The following SLC15A1 variants were observed in gnomAD, a reference collection of about 807,000 sequenced individuals.
SLC15A1 encodes the protein Caco-2 oligopeptide transporter.
In SLC15A1, 83 loss-of-function variants were observed where a neutral mutation model predicts 92.9. That is an observed-to-expected ratio of 0.89 (90% CI 0.75 to 1.07). SLC15A1 has a LOEUF of 1.07. SLC15A1 is among the 50% of genes least tolerant of loss of function. SLC15A1 has a pLI of 0.00. For missense variants in SLC15A1, 857 were observed against 880.1 expected (o/e 0.97, Z 0.33); for synonymous variants, 322 against 318.2 (o/e 1.01, Z -0.13).
chr13:98,697,764 A>G (rs1013328264), intron 18 of SLC15A1, among the ~76,000 whole-genome samples: 5 of 152,156 alleles, frequency 3.3e-5, no homozygotes, highest in African/African-American at 1.2e-4. Flanking sequence ...TTCTCTTGAC[A>G]AGATATTTGG....
chr13:98,711,529 A>G (rs2088162609), intron 11 of SLC15A1, among the ~76,000 whole-genome samples: 1 of 152,206 alleles, frequency 6.6e-6, no homozygotes, highest in African/African-American at 2.4e-5. Context: ...TTGGTAGGAA[A>G]ACAAACTCTT....
intron 18 of SLC15A1, among the ~76,000 whole-genome samples, chr13:98,693,872 A>G (rs1464819024): frequency 2.6e-5 from 4 of 152,218 alleles, no homozygotes; most frequent in African/African-American, 9.6e-5. Context: ...ACAGAGTCAC[A>G]CAATACTGGC....
At chr13:98,749,886 T>G (rs1460551374) in intron 1 of SLC15A1, among the ~76,000 whole-genome samples, 2 of 151,988 alleles carry the variant, frequency 1.3e-5, no homozygotes, top group African/African-American at 4.8e-5. Context: ...CATAATGAAG[T>G]TTTATAGAAA....
chr13:98,713,644 C>T (rs1226801224), intron 9 of SLC15A1, among the ~76,000 whole-genome samples: 1 of 152,118 alleles, frequency 6.6e-6, no homozygotes, highest in Non-Finnish European at 1.5e-5. Context: ...CACTAAGATT[C>T]CTTGTTAGTG....
At chr13:98,690,131 G>T (rs1340049956) in intron 18 of SLC15A1, among the ~76,000 whole-genome samples, 1 of 152,118 alleles carries the variant, frequency 6.6e-6, no homozygotes, top group Non-Finnish European at 1.5e-5. Flanking sequence ...GATTATCCAG[G>T]GTAGAGAACA....
intron 7 of SLC15A1, 112 bp downstream of exon 7, chr13:98,721,383 A>G (rs1303642278): frequency 1.3e-6 from 1 of 773,140 alleles, no homozygotes; most frequent in African/African-American, 1.7e-5. Context: ...CCCAGCATGT[A>G]GCTGACAGCT....
At chr13:98,714,117 G>A (rs753492183) in intron 9 of SLC15A1, among the ~76,000 whole-genome samples, 1 of 151,086 alleles carries the variant, frequency 6.6e-6, no homozygotes, top group African/African-American at 2.4e-5. Flanking sequence ...AGGATACTTC[G>A]CAATATAGTT....
chr13:98,744,516 C>T (rs1313157806), intron 1 of SLC15A1, among the ~76,000 whole-genome samples: 1 of 151,262 alleles, frequency 6.6e-6, no homozygotes, highest in Non-Finnish European at 1.5e-5. Flanking sequence ...TTTGGGAGGC[C>T]GAGGCGGGCA....
At chr13:98,740,760 G>A (rs2088437478) in intron 1 of SLC15A1, among the ~76,000 whole-genome samples, 1 of 152,166 alleles carries the variant, frequency 6.6e-6, no homozygotes, top group African/African-American at 2.4e-5. Context: ...CACTGTCACT[G>A]CCCTGAGGAC....
intron 5 of SLC15A1, among the ~76,000 whole-genome samples, chr13:98,722,998 A>C (rs1175076181): frequency 1.3e-5 from 2 of 152,246 alleles, no homozygotes; most frequent in African/African-American, 4.8e-5. Flanking sequence ...ACAACCAAGG[A>C]AACTGAGGCA....
intron 18 of SLC15A1, among the ~76,000 whole-genome samples, chr13:98,692,482 C>T (rs1229630579): frequency 6.6e-6 from 1 of 152,192 alleles, no homozygotes; most frequent in South Asian, 2.1e-4. Flanking sequence ...TTATAAGAGT[C>T]TTCCAACTTG....
Position 98,709,547 on chromosome 13 carries a change from C to T in SLC15A1, c.1067+25G>A, listed in dbSNP as rs753040735. On this transcript the variant is annotated intron_variant, in intron 14 of 22. Coordinates refer to ENST00000376503, the MANE Select transcript of SLC15A1 (RefSeq NM_005073.4). The stretch of plus-strand genomic sequence containing the variant: ...AGCCCTGGGACCAAGGGAGCCTCAA[C>T]CAACCCAACCCACCCGTCACCTACG... 1.4e-5 allele frequency: 22 copies of T among 1,610,338 alleles called. No individual in the cohort carries two copies. The South Asian group carries it at 2.2e-4, about 16-fold the overall frequency.
At chr13:98,722,059 G>C (rs1407411802) in intron 5 of SLC15A1, among the ~76,000 whole-genome samples, 156 bp from the exon 6 acceptor site, 1 of 152,224 alleles carries the variant, frequency 6.6e-6, no homozygotes, top group Non-Finnish European at 1.5e-5. Flanking sequence ...CAGCGTGATA[G>C]TCAAATGCAA....
chr13:98,716,528 A>G (rs2088212470), intron 8 of SLC15A1, among the ~76,000 whole-genome samples: 6 of 151,918 alleles, frequency 3.9e-5, no homozygotes, highest in Admixed American at 3.9e-4. Context: ...AGGCTGAGGC[A>G]GGAGAATTGC....
intron 1 of SLC15A1, among the ~76,000 whole-genome samples, chr13:98,746,920 C>T (rs1362132110): frequency 6.6e-6 from 1 of 152,152 alleles, no homozygotes; most frequent in Non-Finnish European, 1.5e-5. Context: ...GTCCCTGTGC[C>T]CCGTGGCTGT....
intron 6 of SLC15A1, 31 bp downstream of exon 6, chr13:98,721,773 A>C (rs2139592217): frequency 6.3e-7 from 1 of 1,594,794 alleles, no homozygotes; most frequent in African/African-American, 1.3e-5. Flanking sequence ...TAGTTCATTC[A>C]CGTGGGCTCT....
At chr13:98,741,719 G>A (rs1403079805) in intron 1 of SLC15A1, among the ~76,000 whole-genome samples, 2 of 108,586 alleles carry the variant, frequency 1.8e-5, no homozygotes, top group Admixed American at 1.2e-4. Context: ...GGGAGACTCC[G>A]TCTCAAAAAA....
At position 98,715,846 on chromosome 13, in the gene SLC15A1, T is replaced by C. The variant is rs755183750; in HGVS notation, c.723+32A>G. On this transcript the variant is annotated intron_variant, in intron 9 of 22. Transcript: ENST00000376503. ...AGTAGAAGGTTCTGAGGTGGTTAAA[T>C]AGCCTTGAGAAAGAGCAGCTGAGAT... 7.6e-6 allele frequency: 12 copies of C among 1,582,840 alleles called. No individual in the cohort carries two copies. The African/African-American group carries it at 8.1e-5, about 11-fold the overall frequency.
rs1394939958 is a variant in SLC15A1 at position 98,709,933 on chromosome 13, T to C, written c.901-22A>G. ...AGCCCTTAAAAATGAATACATTTGC[T>C]GTATTATTTGGGGATGTGGGTTTTT... is the stretch of plus-strand genomic sequence containing the variant. On this transcript the variant is annotated intron_variant, in intron 11 of 22. Coordinates refer to ENST00000376503, the MANE Select transcript of SLC15A1 (RefSeq NM_005073.4). The C allele has an allele frequency of 1.9e-6, 3 of 1,613,712 alleles. No individual in the cohort carries two copies. The South Asian group carries it at 3.3e-5, about 18-fold the overall frequency.
Sources: gnomAD v4.1 joint callset for allele counts (sites outside exome capture counted in the v4.1 genomes callset) on GRCh38, gnomAD v4.1.1 for gene constraint, MANE v1.5 for transcripts, NCBI Gene and HGNC (gene_info 2026-07-23, HGNC 2026-07-21) for gene names.